The following CLVS1 variants were observed in gnomAD, a reference collection of about 807,000 sequenced individuals.
The protein encoded by CLVS1 is clavesin-1.
CLVS1 carries 10 observed loss-of-function variants against 33.1 expected under a neutral mutation model. That is an observed-to-expected ratio of 0.30 (90% CI 0.19 to 0.51). The LOEUF is 0.51. CLVS1 is among the 20% of genes least tolerant of loss of function. The pLI is 0.97. For synonymous variants in CLVS1, 163 were observed against 166.1 expected (o/e 0.98, Z 0.14); for missense variants, 343 against 433.4 (o/e 0.79, Z 1.85).
chr8:61,343,042 C>G (rs139546711), intron 2 of CLVS1, among the ~76,000 whole-genome samples: 1 of 152,276 alleles, frequency 6.6e-6, no homozygotes, highest in Non-Finnish European at 1.5e-5. Context: ...ATTTTCGTAT[C>G]TCTACACTCG....
At chr8:61,252,970 T>A (rs1808984937) in intron 2 of CLVS1, among the ~76,000 whole-genome samples, 2 of 152,214 alleles carry the variant, frequency 1.3e-5, no homozygotes, top group South Asian at 4.1e-4. Context: ...ATTTTGATGT[T>A]AGCTGGTTAT....
intron 2 of CLVS1, chr8:61,202,911 A>C: frequency 9.0e-7 from 1 of 1,116,632 alleles, no homozygotes. Context: ...CTGAAGAAAA[A>C]GTGCCAGTGA....
chr8:61,413,599 T>C (rs550572952), intron 3 of CLVS1, among the ~76,000 whole-genome samples: 1 of 152,146 alleles, frequency 6.6e-6, no homozygotes, highest in African/African-American at 2.4e-5. Context: ...CAGCATGCAG[T>C]TTATATAGTA....
At chr8:61,281,966 C>A (rs998752562) in intron 2 of CLVS1, among the ~76,000 whole-genome samples, 2 of 152,170 alleles carry the variant, frequency 1.3e-5, no homozygotes, top group Admixed American at 6.5e-5. Flanking sequence ...TTCTGTACAC[C>A]TTTTGCAATG....
At chr8:60,974,006 T>C in the CLVS1 span, among the ~76,000 whole-genome samples, 1 of 152,262 alleles carries the variant, frequency 6.6e-6, no homozygotes, top group Non-Finnish European at 1.5e-5. Flanking sequence ...CTATATTTAT[T>C]CAGTTTGGAG....
Position 61,120,658 on chromosome 8 carries a change from G to A in CLVS1, c.-242-11112G>A, listed in dbSNP as rs1357704293. ...TGTGAGGTGTCAGTCTGCCCCTGCT[G>A]GGGGGTGCCTCCCAGTTAGGCTGCT... On this transcript the variant is annotated intron_variant, in intron 1 of 2. Coordinates refer to the CLVS1 transcript ENST00000522621. Among the ~76,000 whole-genome samples, 5 of 134,988 alleles carry A rather than the reference G, an allele frequency of 3.7e-5. 2 individuals carry two copies. In the South Asian group the frequency reaches 1.1e-3, roughly 29 times the overall value. The allele number at this position is 134,988 out of a possible 152,430, so 88.6% of individuals were successfully genotyped here. A position where few individuals can be genotyped will look rare whatever the true frequency, so the allele number is the denominator to read the frequency against.
intron 2 of CLVS1, among the ~76,000 whole-genome samples, chr8:61,326,531 C>T (rs1396549516): frequency 2.0e-5 from 3 of 152,140 alleles, no homozygotes; most frequent in East Asian, 3.8e-4. Flanking sequence ...GTACCACATT[C>T]TATTTGTCAA....
intron 2 of CLVS1, among the ~76,000 whole-genome samples, chr8:61,315,629 T>C (rs890901070): frequency 1.6e-4 from 24 of 152,132 alleles, no homozygotes; most frequent in African/African-American, 5.3e-4. Flanking sequence ...TACAACATCA[T>C]AGTGGGGGAG....
the CLVS1 span, among the ~76,000 whole-genome samples, chr8:61,038,206 A>G: frequency 6.6e-6 from 1 of 152,088 alleles, no homozygotes; most frequent in African/African-American, 2.4e-5. Flanking sequence ...TAACCTTGGA[A>G]CTGAAGCATC....
chr8:61,383,658 T>C (rs1483528413), intron 3 of CLVS1, among the ~76,000 whole-genome samples: 1 of 152,228 alleles, frequency 6.6e-6, no homozygotes, highest in Non-Finnish European at 1.5e-5. Context: ...CCTTATTAAG[T>C]ATCAATTAAA....
chr8:61,224,385 C>G (rs1003047751), intron 2 of CLVS1, among the ~76,000 whole-genome samples: 1 of 152,020 alleles, frequency 6.6e-6, no homozygotes. Flanking sequence ...ATGCTGTTGT[C>G]ATTTTCTGCT....
chr8:61,387,422 G>A (rs1438584047), intron 3 of CLVS1, among the ~76,000 whole-genome samples: 1 of 138,668 alleles, frequency 7.2e-6, no homozygotes, highest in Admixed American at 7.3e-5. Context: ...CCCAAGAATT[G>A]TTAGCCCTTT....
chr8:60,978,841 C>G, the CLVS1 span, among the ~76,000 whole-genome samples: 1 of 124,838 alleles, frequency 8.0e-6, no homozygotes, highest in Non-Finnish European at 1.7e-5. Context: ...AAAGAAATAA[C>G]TAAAAAAATA....
At chr8:61,266,680 G>T (rs904369433) in intron 2 of CLVS1, among the ~76,000 whole-genome samples, 1 of 152,038 alleles carries the variant, frequency 6.6e-6, no homozygotes, top group Non-Finnish European at 1.5e-5. Flanking sequence ...GATCAGTGTT[G>T]TCCCTGTGGC....
At chr8:61,041,649 A>C in the CLVS1 span, among the ~76,000 whole-genome samples, 1 of 152,070 alleles carries the variant, frequency 6.6e-6, no homozygotes, top group South Asian at 2.1e-4. Flanking sequence ...AGTGTATATA[A>C]ATGCTACTCT....
At chr8:60,993,367 A>G in the CLVS1 span, among the ~76,000 whole-genome samples, 1 of 152,214 alleles carries the variant, frequency 6.6e-6, no homozygotes, top group Non-Finnish European at 1.5e-5. Context: ...ATTTGGCTCT[A>G]GCACCGGGCA....
chr8:61,380,344 T>C (rs147793138), intron 3 of CLVS1, among the ~76,000 whole-genome samples: 3 of 152,354 alleles, frequency 2.0e-5, no homozygotes, highest in African/African-American at 7.2e-5. Flanking sequence ...TAATGAGTCA[T>C]TATAACAATC....
At chr8:61,431,943 A>G (rs533934967) in intron 3 of CLVS1, among the ~76,000 whole-genome samples, 2 of 152,290 alleles carry the variant, frequency 1.3e-5, no homozygotes, top group South Asian at 4.1e-4. Context: ...TTTTTAGTGA[A>G]ATGTAGAAAA....
chr8:61,111,759 C>A (rs1321710091), intron 1 of CLVS1, among the ~76,000 whole-genome samples: 1 of 145,284 alleles, frequency 6.9e-6, no homozygotes, highest in Non-Finnish European at 1.5e-5. Flanking sequence ...TTCTTTATTA[C>A]CCTTCTTTAA....
Sources: allele counts gnomAD v4.1 joint callset (sites outside exome capture counted in the v4.1 genomes callset), GRCh38; gene constraint gnomAD v4.1.1; transcripts MANE v1.5; gene names NCBI Gene and HGNC (gene_info 2026-07-23, HGNC 2026-07-21).